KIF16B: variants seen among roughly 807,000 people sequenced by gnomAD.
KIF16B encodes kinesin-like protein KIF16B.
Under a neutral mutation model 156.3 loss-of-function variants are expected in KIF16B, and 98 were observed. The observed-to-expected ratio is 0.63, with a 90% CI of 0.53 to 0.74. KIF16B has a LOEUF of 0.74. KIF16B is among the 30% of genes least tolerant of loss of function. The pLI, the probability that KIF16B is intolerant of heterozygous loss-of-function variation, is 0.00. For missense variants in KIF16B, 1,421 were observed against 1,606.5 expected (o/e 0.88, Z 1.97); for synonymous variants, 564 against 583.7 (o/e 0.97, Z 0.49).
intron 23 of KIF16B, among the ~76,000 whole-genome samples, chr20:16,340,124 G>A (rs959375623): frequency 6.6e-6 from 1 of 151,978 alleles, no homozygotes; most frequent in Non-Finnish European, 1.5e-5. Flanking sequence ...GCTCATCTAG[G>A]GTATACCCAA....
intron 10 of KIF16B, 104 bp downstream of exon 10, chr20:16,504,268 T>C (rs2068710679): frequency 8.7e-7 from 1 of 1,152,876 alleles, no homozygotes; most frequent in African/African-American, 1.5e-5. Flanking sequence ...TTAGCACTTA[T>C]TTACTCAAAT....
At chr20:16,374,166 G>T in intron 20 of KIF16B, 91 bp downstream of exon 20, 2 of 1,288,018 alleles carry the variant, frequency 1.6e-6, no homozygotes, top group South Asian at 4.3e-5. Context: ...CCTTAATAGA[G>T]CCCTCCAGAT....
intron 1 of KIF16B, among the ~76,000 whole-genome samples, chr20:16,570,006 GCA>G (rs2071398035): frequency 6.6e-6 from 1 of 151,440 alleles, no homozygotes; most frequent in South Asian, 2.1e-4. Context: ...ACATTTGTTA[GCA>G]CACACAAACA....
chr20:16,329,507 TCTG>T (rs1256863999), intron 24 of KIF16B, among the ~76,000 whole-genome samples: 9 of 152,342 alleles, frequency 5.9e-5, no homozygotes, highest in Non-Finnish European at 8.8e-5. Flanking sequence ...ATTTCAAAGA[TCTG>T]CTCTCTGGAA....
intron 23 of KIF16B, among the ~76,000 whole-genome samples, chr20:16,354,602 T>A (rs959734282): frequency 6.6e-6 from 1 of 152,040 alleles, no homozygotes; most frequent in African/African-American, 2.4e-5. Flanking sequence ...ATCAAGGACA[T>A]AGCGTAACAT....
Position 16,571,339 on chromosome 20 carries a change from T to C in KIF16B, c.47+1890A>G, listed in dbSNP as rs371131598. Among the ~76,000 whole-genome samples the C allele has an allele frequency of 7.9e-5, 12 of 152,300 alleles. No homozygotes were observed. In the East Asian group the frequency reaches 2.3e-3, roughly 29 times the overall value. ...TAATCACCTGCCTCTTACCTCAATC[T>C]TGACACCACCAGAGTTCTCTACTGA... On this transcript the variant is annotated intron_variant, in intron 1 of 25. Coordinates refer to ENST00000354981, the MANE Select transcript of KIF16B (RefSeq NM_024704.5).
At chr20:16,480,332 C>T (rs975108884) in intron 12 of KIF16B, among the ~76,000 whole-genome samples, 8 of 152,190 alleles carry the variant, frequency 5.3e-5, no homozygotes, top group African/African-American at 1.4e-4. Flanking sequence ...AGGAAGAATC[C>T]GAGTCTTTCT....
chr20:16,494,917 A>T (rs1278483570), intron 11 of KIF16B, among the ~76,000 whole-genome samples: 1 of 152,198 alleles, frequency 6.6e-6, no homozygotes, highest in Admixed American at 6.5e-5. Context: ...TTTTGACAAA[A>T]ATCACTTCTT....
chr20:16,461,967 AGC>A (rs2067356387), intron 12 of KIF16B, among the ~76,000 whole-genome samples: 1 of 152,186 alleles, frequency 6.6e-6, no homozygotes, highest in Admixed American at 6.5e-5. Flanking sequence ...CCAGATCTAC[AGC>A]CGGGCATGGT....
At chr20:16,573,162 A>C in intron 1 of KIF16B, 67 bp downstream of exon 1, 1 of 1,428,086 alleles carries the variant, frequency 7.0e-7, no homozygotes, top group Non-Finnish European at 9.6e-7. Context: ...GCTTTGGGGG[A>C]GCTGGAAACA....
chr20:16,413,434 CT>C (rs1262760660), intron 15 of KIF16B, among the ~76,000 whole-genome samples: 1 of 152,082 alleles, frequency 6.6e-6, no homozygotes, highest in Non-Finnish European at 1.5e-5. Context: ...AATAATTACC[CT>C]CTTCAAGTTT....
chr20:16,521,451 A>C (rs2069347759), intron 3 of KIF16B, among the ~76,000 whole-genome samples: 1 of 151,982 alleles, frequency 6.6e-6, no homozygotes. Context: ...GAAATAAAGC[A>C]TGAAGACAAG....
intron 25 of KIF16B, among the ~76,000 whole-genome samples, chr20:16,290,437 C>A (rs1255156280): frequency 6.6e-6 from 1 of 152,188 alleles, no homozygotes; most frequent in African/African-American, 2.4e-5. Flanking sequence ...AAATCTCCTT[C>A]GGTTAAAATT....
rs771139618 is a variant in KIF16B, at chr20:16,382,172, C to A, written c.1785-425G>T. ...GAGAGAGAGAGAAAGAGAGAGAGAG[C>A]ACAGACATCAATTAAGGAAAGCATT... is the stretch of plus-strand genomic sequence containing the variant. On this transcript the variant is annotated intron_variant, in intron 17 of 25. Transcript: ENST00000354981. The A allele has an allele frequency of 3.4e-5, 42 of 1,224,534 alleles. 1 individual carries two copies. In the East Asian group the frequency reaches 1.9e-3, roughly 55 times the overall value. 75.9% of individuals were successfully genotyped at this position (1,224,534 alleles called of 1,614,324 possible).
intron 12 of KIF16B, among the ~76,000 whole-genome samples, chr20:16,447,428 A>G (rs928598100): frequency 6.6e-6 from 1 of 152,084 alleles, no homozygotes; most frequent in Non-Finnish European, 1.5e-5. Context: ...CTGCAACGTC[A>G]CTAGGAAAAG....
chr20:16,290,856 C>G (rs1477629694), intron 25 of KIF16B, among the ~76,000 whole-genome samples: 2 of 152,192 alleles, frequency 1.3e-5, no homozygotes, highest in Non-Finnish European at 2.9e-5. Flanking sequence ...ATCAAAACTT[C>G]TCAAATGCCA....
intron 12 of KIF16B, among the ~76,000 whole-genome samples, chr20:16,469,076 G>A (rs1475713853): frequency 6.6e-6 from 1 of 151,806 alleles, no homozygotes; most frequent in Non-Finnish European, 1.5e-5. Flanking sequence ...AACATAGTGT[G>A]ACCCTATCTC....
chr20:16,438,015 C>T (rs950260788), intron 12 of KIF16B, among the ~76,000 whole-genome samples: 58 of 150,950 alleles, frequency 3.8e-4, no homozygotes, highest in African/African-American at 1.3e-3. Context: ...GGTGTGGTGG[C>T]GTGCACCTGT....
chr20:16,445,047 T>C (rs577774960), intron 12 of KIF16B, among the ~76,000 whole-genome samples: 2 of 152,212 alleles, frequency 1.3e-5, no homozygotes, highest in East Asian at 1.9e-4. Flanking sequence ...AATACGAATA[T>C]ATTAGCAGGC....
Sources: gnomAD v4.1 joint callset for allele counts (sites outside exome capture counted in the v4.1 genomes callset) on GRCh38, gnomAD v4.1.1 for gene constraint, MANE v1.5 for transcripts, NCBI Gene and HGNC (gene_info 2026-07-23, HGNC 2026-07-21) for gene names.